Variants in KLB observed in about 807,000 individuals in gnomAD.
KLB encodes the protein beta-klotho.
A neutral mutation model predicts 88.4 loss-of-function variants in KLB; 44 were observed. The observed-to-expected ratio is 0.50, with a 90% CI of 0.39 to 0.64. The LOEUF is 0.64. Ranked by LOEUF, KLB falls within the 30% of genes least tolerant of loss-of-function variation. The probability of loss-of-function intolerance (pLI) is 0.00; values close to 1 mark genes in which losing one functional copy is unlikely to be tolerated. For synonymous variants in KLB, 548 were observed against 513.4 expected (o/e 1.07, Z -0.91); for missense variants, 1,137 against 1,304.8 (o/e 0.87, Z 1.98).
chr4:39,409,735 C>T (rs7437091), intron 1 of KLB, among the ~76,000 whole-genome samples: 1 of 151,368 alleles, frequency 6.6e-6, no homozygotes, highest in Admixed American at 6.6e-5. Context: ...AGACCAGCCT[C>T]GCCAACATAG....
intron 1 of KLB, among the ~76,000 whole-genome samples, chr4:39,423,286 T>C (rs555321278): frequency 6.6e-6 from 1 of 151,982 alleles, no homozygotes; most frequent in African/African-American, 2.4e-5. Flanking sequence ...AATGGTTTTC[T>C]GAACACCCCA....
intron 1 of KLB, among the ~76,000 whole-genome samples, chr4:39,430,121 C>T (rs888701337): frequency 1.3e-5 from 2 of 152,192 alleles, no homozygotes; most frequent in African/African-American, 2.4e-5. Context: ...ATTTTTATCA[C>T]GACTTAGGTC....
At position 39,448,814 on chromosome 4, in the gene KLB, T is replaced by C. The variant is rs1443423899; in HGVS notation, c.*128T>C. ...ACAGCTGTAACCAAGGTGATGACAA[T>C]TGTCTCTGCTGTGTGGTTCAAAGAA... On this transcript the variant is annotated 3_prime_UTR_variant, in exon 5 of 5. Coordinates refer to ENST00000257408, the MANE Select transcript of KLB (RefSeq NM_175737.4). The C allele has an allele frequency of 1.7e-5, 15 of 881,800 alleles. No homozygotes were observed. Among genetic ancestry groups the C allele is most frequent in the Admixed American group, 5.1e-5 (2 of 39,440 alleles). 54.6% of individuals were successfully genotyped at this position (881,800 alleles called of 1,614,324 possible).
intron 1 of KLB, among the ~76,000 whole-genome samples, chr4:39,429,625 A>G (rs769038164): frequency 1.1e-4 from 17 of 152,204 alleles, no homozygotes; most frequent in Non-Finnish European, 1.5e-5. Flanking sequence ...ACAGAGGTAG[A>G]TGGCTTTGTA....
At chr4:39,422,783 A>G (rs1479594493) in intron 1 of KLB, among the ~76,000 whole-genome samples, 3 of 149,496 alleles carry the variant, frequency 2.0e-5, no homozygotes, top group Non-Finnish European at 3.0e-5. Context: ...TTTTTTTGAG[A>G]CAGAGTCTTG....
intron 4 of KLB, among the ~76,000 whole-genome samples, chr4:39,447,990 T>C (rs1194430830): frequency 6.6e-6 from 1 of 152,232 alleles, no homozygotes; most frequent in Non-Finnish European, 1.5e-5. Flanking sequence ...AACGTTTTTC[T>C]GCTTGTGACC....
Position 39,447,308 on chromosome 4 carries a change from G to T in KLB, c.2582G>T (p.Arg861Leu). ...QDITRLSSPT[R>L]LAVIPWGVRK... Reference sequence around the variant, plus strand: ...ATCACCCGCCTGAGCTCCCCCACGCGCCTGGCTGTGATTCCCTGGGGGGTG... The same window carrying T: ...ATCACCCGCCTGAGCTCCCCCACGCTCCTGGCTGTGATTCCCTGGGGGGTG... The change falls in exon 4 of 5, where the codon CGC (arginine) becomes CTC (leucine). Residue 861 changes from arginine to leucine, a missense_variant. Transcript: ENST00000257408. 5.6e-6 allele frequency: 9 copies of T among 1,614,090 alleles called. No individual in the cohort carries two copies. The highest frequency in any genetic ancestry group is 7.6e-6 in the Non-Finnish European group (9 of 1,180,004).
At chr4:39,427,988 G>A (rs867125102) in intron 1 of KLB, among the ~76,000 whole-genome samples, 2 of 152,282 alleles carry the variant, frequency 1.3e-5, no homozygotes, top group South Asian at 2.1e-4. Context: ...ATAGTACCAG[G>A]TAGATGAGTA....
chr4:39,417,431 C>T (rs1435227447), intron 1 of KLB, among the ~76,000 whole-genome samples: 1 of 152,144 alleles, frequency 6.6e-6, no homozygotes, highest in Non-Finnish European at 1.5e-5. Flanking sequence ...TCTCCTGTCT[C>T]AGCCTCTGAG....
In KLB at chr4:39,412,012, T is replaced by TGATATATACCTACATACAGAAG. The variant is rs1219356618; in HGVS notation, c.825+4245_825+4266dup. 5.3e-5 allele frequency: 8 copies of TGATATATACCTACATACAGAAG among 151,700 alleles called. No homozygotes were observed. The East Asian group carries it at 1.6e-3, about 30-fold the overall frequency. 9.4% of individuals were successfully genotyped at this position (151,700 alleles called of 1,614,324 possible). ...GATACAATGGACTATATATACAGAA[T>TGATATATACCTACATACAGAAG]GATATATACCTACATACAGAAGGAT... On this transcript the variant is annotated intron_variant, in intron 1 of 4. Coordinates refer to ENST00000257408, the MANE Select transcript of KLB (RefSeq NM_175737.4).
intron 1 of KLB, among the ~76,000 whole-genome samples, chr4:39,411,397 T>G (rs1742843832): frequency 6.9e-6 from 1 of 144,846 alleles, no homozygotes; most frequent in Non-Finnish European, 1.5e-5. Context: ...TGGAGTGCAG[T>G]GGCGCTATCT....
intron 1 of KLB, among the ~76,000 whole-genome samples, chr4:39,410,854 T>C (rs1742824519): frequency 1.3e-5 from 2 of 152,146 alleles, no homozygotes; most frequent in Admixed American, 6.6e-5. Context: ...TCCAGAATGA[T>C]CTGGAAAACT....
chr4:39,433,789 G>A (rs1158364058), intron 1 of KLB, among the ~76,000 whole-genome samples: 1 of 152,188 alleles, frequency 6.6e-6, no homozygotes, highest in Non-Finnish European at 1.5e-5. Context: ...GAACCTGGGA[G>A]GCGGAGGTTG....
At chr4:39,438,115 G>C (rs1743522689) in intron 3 of KLB, 120 bp downstream of exon 3, 2 of 924,258 alleles carry the variant, frequency 2.2e-6, no homozygotes, top group South Asian at 3.5e-5. Context: ...TTGTATGGAG[G>C]TTATGAAGGA....
chr4:39,425,844 G>A (rs546176108), intron 1 of KLB, among the ~76,000 whole-genome samples: 166 of 152,228 alleles, frequency 1.1e-3, no homozygotes, highest in African/African-American at 3.6e-3. Flanking sequence ...TGGGCCAGGC[G>A]CAGTGGCTCA....
chr4:39,414,543 A>T (rs1171154855), intron 1 of KLB, among the ~76,000 whole-genome samples: 1 of 152,068 alleles, frequency 6.6e-6, no homozygotes, highest in East Asian at 1.9e-4. Flanking sequence ...CAAAACACTA[A>T]TCTTACTTTT....
rs961622225 is a variant in KLB at position 39,446,833 on chromosome 4, C to T, written c.2107C>T (p.Arg703Cys). 8 of 1,612,652 alleles carry T rather than the reference C, an allele frequency of 5.0e-6. No individual in the cohort carries two copies. The highest frequency in any genetic ancestry group is 4.0e-5 in the African/African-American group (3 of 74,958). The change falls in exon 4 of 5, where the codon CGC (arginine) becomes TGC (cysteine). Residue 703 changes from arginine to cysteine, a missense_variant. Physicochemically the swap from Arg to Cys is radical, Grantham distance 180 (BLOSUM62 -3). Around this residue, in one of 4 missense-constraint regions of KLB, gnomAD observed 597 missense variants for 765.2 expected, o/e 0.78. Transcript: ENST00000257408. This position sits in a 1 kb window ranked among gnomAD's most constrained non-coding sequence, Gnocchi z 6.4. ...EPNRLSDIYN[R>C]SGNDTYGAAH... ...TAACCGGCTAAGTGACATCTACAAC[C>T]GCTCTGGCAACGACACCTACGGGGC...
chr4:39,426,053 C>A (rs1015093785), intron 1 of KLB, among the ~76,000 whole-genome samples: 1 of 151,990 alleles, frequency 6.6e-6, no homozygotes, highest in Non-Finnish European at 1.5e-5. Flanking sequence ...GAGATTGAGA[C>A]CATCCTGGCT....
chr4:39,443,118 C>T lies in KLB; in HGVS notation c.1606-3214C>T, dbSNP rs566484106. 5.9e-5 allele frequency among the ~76,000 whole-genome samples: 9 copies of T among 152,242 alleles called. No individual in the cohort carries two copies. The East Asian group carries it at 1.5e-3, about 26-fold the overall frequency. ...CAGTTAACCATTTCTGGAAATAATA[C>T]TACATAGATGATGTGCCTTTGTATC... is the stretch of plus-strand genomic sequence containing the variant. On this transcript the variant is annotated intron_variant, in intron 3 of 4. Coordinates refer to ENST00000257408, the MANE Select transcript of KLB (RefSeq NM_175737.4).
Sources: gnomAD v4.1 joint callset for allele counts (sites outside exome capture counted in the v4.1 genomes callset) on GRCh38, gnomAD v4.1.1 for gene constraint, gnomAD v4.1.1 regional missense constraint, Gnocchi (gnomAD v3.1) non-coding constraint, MANE v1.5 for transcripts, NCBI Gene and HGNC (gene_info 2026-07-23, HGNC 2026-07-21) for gene names.